Variants in TMEM260 observed in about 807,000 individuals in gnomAD.
The protein encoded by TMEM260 is protein O-mannosyl-transferase TMEM260.
TMEM260 carries 82 observed loss-of-function variants against 88.9 expected under a neutral mutation model. The observed-to-expected ratio is 0.92, with a 90% CI of 0.77 to 1.11. The LOEUF (loss-of-function observed/expected upper bound fraction) is 1.11, where lower values mean the gene tolerates loss of function less well. TMEM260 is among the 50% of genes least tolerant of loss of function. TMEM260 has a pLI of 0.00. For synonymous variants in TMEM260, 314 were observed against 309.3 expected (o/e 1.02, Z -0.16); for missense variants, 902 against 853.4 (o/e 1.06, Z -0.71).
chr14:56,647,650 G>T lies in TMEM260; in HGVS notation c.*153G>T. 1 of 785,558 alleles carries T rather than the reference G, an allele frequency of 1.3e-6. No homozygotes were observed. The highest frequency in any genetic ancestry group is 1.9e-6 in the Non-Finnish European group (1 of 524,504). 48.7% of individuals were successfully genotyped at this position (785,558 alleles called of 1,614,324 possible). A position where few individuals can be genotyped will look rare whatever the true frequency, so the allele number is the denominator to read the frequency against. ...ATGGTCCAGCAGTACTGTTTAATGGGGTATTCAGTGACTAAGGTCTGCTAT... is the reference window on the plus strand; with the variant it reads ...ATGGTCCAGCAGTACTGTTTAATGGTGTATTCAGTGACTAAGGTCTGCTAT... On this transcript the variant is annotated 3_prime_UTR_variant, in exon 16 of 16. Coordinates refer to ENST00000261556, the MANE Select transcript of TMEM260 (RefSeq NM_017799.4).
At chr14:56,625,255 T>A in intron 11 of TMEM260, 127 bp from the exon 12 acceptor site, 1 of 871,220 alleles carries the variant, frequency 1.1e-6, no homozygotes, top group South Asian at 1.7e-5. Context: ...GTTGTGCTTA[T>A]ATTTTTCAAT....
intron 12 of TMEM260, among the ~76,000 whole-genome samples, chr14:56,628,064 G>T (rs556096622): frequency 6.6e-6 from 1 of 152,284 alleles, no homozygotes; most frequent in South Asian, 2.1e-4. Flanking sequence ...AACCATCCTA[G>T]TTGCTGTGTA....
chr14:56,592,972 C>T (rs1020348738), intron 3 of TMEM260: 1 of 152,160 alleles, frequency 6.6e-6, no homozygotes, highest in African/African-American at 2.4e-5. Context: ...TGTTATTTGC[C>T]TTTTGATTAA....
chr14:56,583,990 TTGTGTGTGTGTGTGTGTGTGTGTG>T (rs10594077), intron 1 of TMEM260, among the ~76,000 whole-genome samples: 1 of 145,846 alleles, frequency 6.9e-6, no homozygotes, highest in Non-Finnish European at 1.5e-5. Context: ...ATCCAGCCTT[TTGTGTGTGTGTGTGTGTGTGTGTG>T]TGTGTGTGTG....
chr14:56,603,457 T>TTAG (rs1886699532), intron 3 of TMEM260, among the ~76,000 whole-genome samples: 1 of 152,162 alleles, frequency 6.6e-6, no homozygotes, highest in Non-Finnish European at 1.5e-5. Context: ...CATTTAGGTC[T>TTAG]TAACTAGGCC....
At chr14:56,658,758 T>C in the TMEM260 span, among the ~76,000 whole-genome samples, 1 of 151,868 alleles carries the variant, frequency 6.6e-6, no homozygotes, top group East Asian at 1.9e-4. Context: ...TTAGACAAAG[T>C]CTCACTCTGC....
intron 12 of TMEM260, among the ~76,000 whole-genome samples, chr14:56,630,945 T>C (rs1421262617): frequency 6.6e-6 from 1 of 152,132 alleles, no homozygotes. Context: ...TTTGGATTAA[T>C]CCCATGTGTG....
At chr14:56,653,745 A>AAAAAAAACAAACAAAC (rs1555343566), downstream of TMEM260, among the ~76,000 whole-genome samples, 2 of 137,368 alleles carry the variant, frequency 1.5e-5, no homozygotes, top group African/African-American at 5.0e-5. Flanking sequence ...CCAAAACAAA[A>AAAAAAAACAAACAAAC]AAAAAAAAAA....
chr14:56,644,728 G>A (rs1889837220), intron 15 of TMEM260, among the ~76,000 whole-genome samples: 2 of 152,010 alleles, frequency 1.3e-5, no homozygotes, highest in African/African-American at 4.8e-5. Context: ...CTACAGAATG[G>A]GAGAAAATTT....
intron 6 of TMEM260, among the ~76,000 whole-genome samples, chr14:56,611,662 A>G (rs1024459383): frequency 6.6e-6 from 1 of 152,236 alleles, no homozygotes; most frequent in Admixed American, 6.5e-5. Context: ...CAGAATTACC[A>G]TTCAACCCAG....
chr14:56,594,331 C>G (rs1886078217), intron 3 of TMEM260, among the ~76,000 whole-genome samples: 1 of 152,098 alleles, frequency 6.6e-6, no homozygotes. Flanking sequence ...ATTTGAATTT[C>G]TCTTTTGCTT....
chr14:56,598,533 C>T (rs2139536755), intron 3 of TMEM260, among the ~76,000 whole-genome samples: 1 of 152,294 alleles, frequency 6.6e-6, no homozygotes, highest in South Asian at 2.1e-4. Context: ...TGCCAACCTG[C>T]TTTGTAGTCA....
chr14:56,619,016 T>C (rs534390208), intron 10 of TMEM260, among the ~76,000 whole-genome samples: 17 of 152,296 alleles, frequency 1.1e-4, no homozygotes, highest in African/African-American at 3.6e-4. Flanking sequence ...CTTTTTCTCT[T>C]AAGAACCCAA....
rs1830476809 is a variant in TMEM260, at chr14:56,595,501, C to T, written c.345-8314C>T. ...TTTATTTTATTTTCTTTTTTGGAGT[C>T]AAGGATATCACTCTGTCACCCAGGC... On this transcript the variant is annotated intron_variant, in intron 3 of 15. Transcript: ENST00000261556. Among the ~76,000 whole-genome samples the T allele has an allele frequency of 2.0e-5, 3 of 152,024 alleles. No homozygotes were observed. In the South Asian group the frequency reaches 6.2e-4, roughly 32 times the overall value.
chr14:56,590,783 G>GA (rs1340145239), intron 3 of TMEM260, among the ~76,000 whole-genome samples: 1 of 152,208 alleles, frequency 6.6e-6, no homozygotes, highest in African/African-American at 2.4e-5. Context: ...ACTGCTAATG[G>GA]AATCTGTCTT....
chr14:56,589,386 CAT>C (rs1214506399), intron 3 of TMEM260, among the ~76,000 whole-genome samples: 1 of 152,028 alleles, frequency 6.6e-6, no homozygotes, highest in Admixed American at 6.6e-5. Flanking sequence ...GTTGAAGACT[CAT>C]GTGAATTGAA....
chr14:56,617,055 G>T, intron 8 of TMEM260, 128 bp from the exon 9 acceptor site: 1 of 495,364 alleles, frequency 2.0e-6, no homozygotes, highest in Non-Finnish European at 3.3e-6. Flanking sequence ...TTTAAAAACC[G>T]AAATCTCTCT....
intron 1 of TMEM260, among the ~76,000 whole-genome samples, chr14:56,580,305 C>G (rs1389424371): frequency 6.6e-6 from 1 of 152,198 alleles, no homozygotes; most frequent in Non-Finnish European, 1.5e-5. Context: ...TTGTTGGTTT[C>G]GCCTGGTGGG....
At chr14:56,591,127 T>G (rs1305040500) in intron 3 of TMEM260, among the ~76,000 whole-genome samples, 1 of 152,214 alleles carries the variant, frequency 6.6e-6, no homozygotes, top group Non-Finnish European at 1.5e-5. Context: ...TAAAAAACAT[T>G]TAAATTGCTA....
Sources: gnomAD v4.1 joint callset for allele counts (sites outside exome capture counted in the v4.1 genomes callset) on GRCh38, gnomAD v4.1.1 for gene constraint, MANE v1.5 for transcripts, NCBI Gene and HGNC (gene_info 2026-07-23, HGNC 2026-07-21) for gene names.